Variants in SUPT3H observed in about 807,000 individuals in gnomAD.
The protein encoded by SUPT3H is SPT3 homolog, SAGA and STAGA complex component.
Under a neutral mutation model 44.3 loss-of-function variants are expected in SUPT3H, and 44 were observed. The observed-to-expected ratio is 0.99, with a 90% CI of 0.78 to 1.28. The LOEUF (loss-of-function observed/expected upper bound fraction) is 1.28. SUPT3H is among the 50% of genes most tolerant of loss of function. The probability of loss-of-function intolerance (pLI) is 0.00; values close to 1 mark genes in which losing one functional copy is unlikely to be tolerated. For synonymous variants in SUPT3H, 124 were observed against 125.6 expected (o/e 0.99, Z 0.09); for missense variants, 380 against 387.1 (o/e 0.98, Z 0.15).
chr6:45,037,356 T>C (rs1051613614), intron 3 of SUPT3H, among the ~76,000 whole-genome samples: 19 of 150,914 alleles, frequency 1.3e-4, no homozygotes, highest in Admixed American at 4.0e-4. Flanking sequence ...AATGATAAGA[T>C]AGAAATATAT....
chr6:44,872,537 C>T (rs574131560), intron 10 of SUPT3H, among the ~76,000 whole-genome samples: 2,005 of 152,224 alleles, frequency 0.013, 26 homozygotes, highest in Non-Finnish European at 0.02. Context: ...CCAGCCACTG[C>T]AAAATCATGA....
At chr6:45,291,018 A>G (rs1780226193) in intron 2 of SUPT3H, among the ~76,000 whole-genome samples, 1 of 152,156 alleles carries the variant, frequency 6.6e-6, no homozygotes, top group African/African-American at 2.4e-5. Flanking sequence ...GAAAGGACCC[A>G]CAGACCCCCT....
intron 10 of SUPT3H, among the ~76,000 whole-genome samples, chr6:44,847,537 G>C (rs1033772549): frequency 2.6e-5 from 4 of 151,526 alleles, no homozygotes; most frequent in African/African-American, 4.9e-5. Context: ...ACCCAGGCTG[G>C]AGTGCAGTGG....
At chr6:44,947,518 C>T (rs963444755) in intron 9 of SUPT3H, among the ~76,000 whole-genome samples, 13 of 152,082 alleles carry the variant, frequency 8.5e-5, no homozygotes, top group Admixed American at 6.5e-4. Flanking sequence ...AAGCAGTCAG[C>T]CTAATTCCTT....
chr6:45,207,191 GA>G (rs1159772697), intron 2 of SUPT3H, among the ~76,000 whole-genome samples: 4 of 152,130 alleles, frequency 2.6e-5, no homozygotes, highest in Non-Finnish European at 5.9e-5. Context: ...AAATAAACCA[GA>G]AGACTGAGGT....
At chr6:45,111,131 C>G (rs1475669700) in intron 2 of SUPT3H, among the ~76,000 whole-genome samples, 1 of 151,412 alleles carries the variant, frequency 6.6e-6, no homozygotes, top group Non-Finnish European at 1.5e-5. Context: ...CTCCCGGCTT[C>G]AAGCAACTGT....
At chr6:44,824,265 C>A (rs1767578196), downstream of SUPT3H, among the ~76,000 whole-genome samples, 1 of 152,230 alleles carries the variant, frequency 6.6e-6, no homozygotes, top group African/African-American at 2.4e-5. Flanking sequence ...GCTTGCTTGA[C>A]TGACTGGTAT....
At chr6:44,913,195 T>C (rs1235303664) in intron 10 of SUPT3H, among the ~76,000 whole-genome samples, 2 of 152,192 alleles carry the variant, frequency 1.3e-5, no homozygotes. Context: ...TCATCATCCT[T>C]CCAGTTGACA....
chr6:45,156,356 G>GT (rs902109284), intron 2 of SUPT3H, among the ~76,000 whole-genome samples: 3 of 152,200 alleles, frequency 2.0e-5, no homozygotes, highest in East Asian at 3.9e-4. Context: ...TTTGTATAGT[G>GT]TTTTTTAACT....
At chr6:45,299,932 G>A (rs1781886425) in intron 2 of SUPT3H, among the ~76,000 whole-genome samples, 1 of 149,442 alleles carries the variant, frequency 6.7e-6, no homozygotes, top group African/African-American at 2.5e-5. Context: ...ACTTTTATAT[G>A]CGTATTATAT....
chr6:45,370,601 G>A (rs1008813490), intron 1 of SUPT3H, among the ~76,000 whole-genome samples: 1 of 152,074 alleles, frequency 6.6e-6, no homozygotes, highest in African/African-American at 2.4e-5. Context: ...AATCTCATAA[G>A]TTCAGTTTCT....
rs1188143016 is a variant in SUPT3H, at chr6:45,095,458, T to G, written c.186+10464A>C. The stretch of plus-strand genomic sequence containing the variant: ...AGGGAGGGGTGAATTCAGTGCATTT[T>G]AATCCAGATCGGAGATTAAGCCATA... On this transcript the variant is annotated intron_variant, in intron 3 of 10. Transcript: ENST00000371459. This position sits in a 1 kb window ranked among gnomAD's most constrained non-coding sequence, Gnocchi z 4.1. 8.0e-6 allele frequency among the ~76,000 whole-genome samples: 1 copy of G among 124,432 alleles called. No homozygotes were observed. The highest frequency in any genetic ancestry group is 7.9e-5 in the Admixed American group (1 of 12,702). 81.6% of individuals were successfully genotyped at this position (124,432 alleles called of 152,430 possible).
At chr6:45,063,359 G>T (rs962895454) in intron 3 of SUPT3H, among the ~76,000 whole-genome samples, 69 of 151,268 alleles carry the variant, frequency 4.6e-4, no homozygotes, top group Admixed American at 3.3e-4. Context: ...CAAAGATGGG[G>T]AAAAAACAGA....
chr6:45,335,790 G>A (rs1426594345), intron 2 of SUPT3H, among the ~76,000 whole-genome samples: 1 of 151,084 alleles, frequency 6.6e-6, no homozygotes, highest in African/African-American at 2.4e-5. Flanking sequence ...ACATTAGGCA[G>A]GATAAATGGT....
rs1034270689 is a variant in SUPT3H, at chr6:45,003,655, C to T, written c.502G>A (p.Glu168Lys). 1 of 1,613,088 alleles carries T rather than the reference C, an allele frequency of 6.2e-7. No homozygotes were observed. Among genetic ancestry groups the T allele is most frequent in the Non-Finnish European group, 8.5e-7 (1 of 1,179,484 alleles). The change falls in exon 6 of 11, where the codon GAG becomes AAG. Residue 168 changes from glutamate (E) to lysine (K), a missense_variant and splice_region_variant. Physicochemically the swap from Glu to Lys is moderately conservative, Grantham distance 56. Coordinates refer to ENST00000371459, the MANE Select transcript of SUPT3H (RefSeq NM_003599.4). ...AAAAAGGGAAGAATGTACTATACCT[C>T]CATTCTTTCTTGTTTAACTTCATCA... The part of the protein sequence containing the change: ...EIDEVKQERM[E>K]RAERQTRIMD...
intron 6 of SUPT3H, among the ~76,000 whole-genome samples, chr6:44,992,344 A>G (rs978226933): frequency 2.4e-4 from 36 of 152,310 alleles, no homozygotes; most frequent in African/African-American, 8.4e-4. Context: ...GCAAGACTAA[A>G]AACAGCAGCC....
chr6:45,100,560 A>AAAAAAAAAAAAAAAAC (rs1798425255), intron 3 of SUPT3H, among the ~76,000 whole-genome samples: 1 of 149,490 alleles, frequency 6.7e-6, no homozygotes, highest in African/African-American at 2.5e-5. Context: ...AAAAAAAAAA[A>AAAAAAAAAAAAAAAAC]AAAAGACACA....
intron 10 of SUPT3H, among the ~76,000 whole-genome samples, chr6:44,851,712 A>G (rs1023507659): frequency 2.0e-5 from 3 of 152,200 alleles, no homozygotes; most frequent in African/African-American, 7.2e-5. Flanking sequence ...CCATATGGCT[A>G]TGAACTTATT....
At chr6:45,362,898 G>A (rs1431493968) in intron 2 of SUPT3H, among the ~76,000 whole-genome samples, 1 of 152,054 alleles carries the variant, frequency 6.6e-6, no homozygotes, top group East Asian at 1.9e-4. Flanking sequence ...GCTCTCCTAA[G>A]TATAAATAAC....
Sources: gnomAD v4.1 joint callset for allele counts (sites outside exome capture counted in the v4.1 genomes callset) on GRCh38, gnomAD v4.1.1 for gene constraint, Gnocchi (gnomAD v3.1) non-coding constraint, MANE v1.5 for transcripts, NCBI Gene and HGNC (gene_info 2026-07-23, HGNC 2026-07-21) for gene names.